UBL3: variants seen among roughly 807,000 people sequenced by gnomAD.
The protein encoded by UBL3 is ubiquitin like 3.
Under a neutral mutation model 18.4 loss-of-function variants are expected in UBL3, and 6 were observed. The observed-to-expected ratio is 0.33, with a 90% CI of 0.18 to 0.64. UBL3 has a LOEUF of 0.64. Among genes scored for constraint, UBL3 ranks in the 30% least tolerant of loss-of-function variants. The pLI is 0.76. For missense variants in UBL3, 109 were observed against 142.9 expected (o/e 0.76, Z 1.21); for synonymous variants, 49 against 46.6 (o/e 1.05, Z -0.21).
chr13:29,774,092 T>G (rs988477134), intron 2 of UBL3, among the ~76,000 whole-genome samples: 1 of 152,148 alleles, frequency 6.6e-6, no homozygotes, highest in Non-Finnish European at 1.5e-5. Context: ...CTGAGTAGAT[T>G]TGGCAACCTG....
chr13:29,822,808 G>A (rs1878498039), intron 1 of UBL3, among the ~76,000 whole-genome samples: 1 of 152,188 alleles, frequency 6.6e-6, no homozygotes, highest in South Asian at 2.1e-4. Context: ...TCTTTTGAGT[G>A]AGTGTAAATT....
chr13:29,793,036 T>A (rs1219981228), intron 1 of UBL3, among the ~76,000 whole-genome samples: 1 of 152,106 alleles, frequency 6.6e-6, no homozygotes, highest in Admixed American at 6.6e-5. Flanking sequence ...TTAGAGAATA[T>A]AAATCTAGCA....
chr13:29,792,737 TATTA>T (rs565285647), intron 1 of UBL3, among the ~76,000 whole-genome samples: 63 of 152,346 alleles, frequency 4.1e-4, no homozygotes, highest in African/African-American at 1.4e-3. Flanking sequence ...TATTAATAGT[TATTA>T]ATTAAATTTT....
chr13:29,816,369 C>T (rs1319974283), intron 1 of UBL3, among the ~76,000 whole-genome samples: 1 of 152,120 alleles, frequency 6.6e-6, no homozygotes, highest in Non-Finnish European at 1.5e-5. Context: ...ACCATATAAG[C>T]TGACTGTTTT....
rs57240661 is a variant in UBL3 at position 29,776,145 on chromosome 13, T to C, written c.136+1010A>G. Among the ~76,000 whole-genome samples the C allele has an allele frequency of 2.3e-3, 352 of 152,228 alleles. 3 individuals are homozygous for C. The highest frequency in any genetic ancestry group is 8.4e-3 in the African/African-American group (347 of 41,548). ...AGAGAAGACCACAGAGAATGTATTA[T>C]CTGTTAAAAATAGTTGTTCTTTCCT... On this transcript the variant is annotated intron_variant, in intron 2 of 4. Transcript: ENST00000380680.
At chr13:29,782,100 T>A (rs1404997595) in intron 1 of UBL3, among the ~76,000 whole-genome samples, 1 of 152,022 alleles carries the variant, frequency 6.6e-6, no homozygotes, top group Non-Finnish European at 1.5e-5. Flanking sequence ...AAAAATAAAG[T>A]TATAAGATAT....
chr13:29,768,161 A>T (rs1876742552), intron 3 of UBL3, among the ~76,000 whole-genome samples: 1 of 152,106 alleles, frequency 6.6e-6, no homozygotes, highest in Non-Finnish European at 1.5e-5. Context: ...TTAAACATTT[A>T]TTCTCACCCT....
chr13:29,778,218 C>T (rs533297258), intron 1 of UBL3, among the ~76,000 whole-genome samples: 2 of 152,246 alleles, frequency 1.3e-5, no homozygotes, highest in South Asian at 4.1e-4. Flanking sequence ...TCAGTGATAA[C>T]CCTAAGGGGG....
intron 2 of UBL3, among the ~76,000 whole-genome samples, chr13:29,774,020 A>G (rs541974191): frequency 6.6e-6 from 1 of 152,308 alleles, no homozygotes; most frequent in South Asian, 2.1e-4. Flanking sequence ...TTTTAATTTA[A>G]GTATTTTATG....
intron 1 of UBL3, among the ~76,000 whole-genome samples, chr13:29,844,195 A>AT (rs1427171649): frequency 6.6e-6 from 1 of 152,222 alleles, no homozygotes; most frequent in African/African-American, 2.4e-5. Flanking sequence ...GACCACCTGA[A>AT]TGCAGGTGGA....
At chr13:29,835,143 T>TAA (rs1878916865) in intron 1 of UBL3, among the ~76,000 whole-genome samples, 2 of 12,462 alleles carry the variant, frequency 1.6e-4, no homozygotes, top group Non-Finnish European at 2.9e-4. Context: ...TATATATATA[T>TAA]ATATATATAT....
intron 3 of UBL3, among the ~76,000 whole-genome samples, chr13:29,768,903 T>C (rs1363446572): frequency 6.6e-6 from 1 of 152,120 alleles, no homozygotes; most frequent in African/African-American, 2.4e-5. Flanking sequence ...AATGTACACA[T>C]ACCAAGCTGT....
At chr13:29,839,926 C>T (rs1482409055) in intron 1 of UBL3, among the ~76,000 whole-genome samples, 2 of 124,724 alleles carry the variant, frequency 1.6e-5, no homozygotes, top group South Asian at 2.6e-4. Context: ...GACTCCGTCT[C>T]GGGGGAAAAA....
At chr13:29,776,862 T>C (rs1593650732) in intron 2 of UBL3, among the ~76,000 whole-genome samples, 1 of 60,090 alleles carries the variant, frequency 1.7e-5, no homozygotes, top group Non-Finnish European at 2.9e-5. Flanking sequence ...ATAGCGAGAC[T>C]CCATCTCAAA....
rs1040718329 is a variant in UBL3, at chr13:29,849,697, G to C, written c.-159C>G. 1 of 938,668 alleles carries C rather than the reference G, an allele frequency of 1.1e-6. No individual in the cohort carries two copies. The highest frequency in any genetic ancestry group is 1.6e-5 in the African/African-American group (1 of 60,834). 58.1% of individuals were successfully genotyped at this position (938,668 alleles called of 1,614,324 possible). ...TATTTTGGAGCCAAAGTGCCGGTCA[G>C]GCCGAGGTTCTGGTTCGAAGAGGAA... On this transcript the variant is annotated 5_prime_UTR_variant, in exon 1 of 5. Coordinates refer to ENST00000380680, the MANE Select transcript of UBL3 (RefSeq NM_007106.4).
chr13:29,782,781 C>A (rs1877211429), intron 1 of UBL3, among the ~76,000 whole-genome samples: 1 of 152,190 alleles, frequency 6.6e-6, no homozygotes, highest in Admixed American at 6.5e-5. Context: ...GCAACAGTAA[C>A]TGTGTAAATA....
At chr13:29,836,805 A>G (rs1178042433) in intron 1 of UBL3, among the ~76,000 whole-genome samples, 1 of 152,232 alleles carries the variant, frequency 6.6e-6, no homozygotes, top group African/African-American at 2.4e-5. Context: ...TTTCCTCTCC[A>G]GGAATGTGCT....
chr13:29,848,986 C>G (rs1879299338), intron 1 of UBL3, among the ~76,000 whole-genome samples: 1 of 152,178 alleles, frequency 6.6e-6, no homozygotes, highest in African/African-American at 2.4e-5. Context: ...TTTCTGTTGC[C>G]ATCCGTATTC....
chr13:29,786,931 T>C (rs1038941089), intron 1 of UBL3, among the ~76,000 whole-genome samples: 8 of 152,164 alleles, frequency 5.3e-5, no homozygotes, highest in Non-Finnish European at 1.2e-4. Context: ...AATAAAACTT[T>C]TACAACATAT....
Sources: gnomAD v4.1 joint callset for allele counts (sites outside exome capture counted in the v4.1 genomes callset) on GRCh38, gnomAD v4.1.1 for gene constraint, MANE v1.5 for transcripts, NCBI Gene and HGNC (gene_info 2026-07-23, HGNC 2026-07-21) for gene names.